SLC22A3: variants seen among roughly 807,000 people sequenced by gnomAD.
SLC22A3 encodes solute carrier family 22 member 3.
Under a neutral mutation model 59.1 loss-of-function variants are expected in SLC22A3, and 51 were observed. The observed-to-expected ratio is 0.86, with a 90% confidence interval of 0.69 to 1.09. The LOEUF (loss-of-function observed/expected upper bound fraction) is 1.09. SLC22A3 is among the 50% of genes least tolerant of loss of function. SLC22A3 has a pLI of 0.00. For missense variants in SLC22A3, 711 were observed against 726.3 expected (o/e 0.98, Z 0.24); for synonymous variants, 325 against 292.0 (o/e 1.11, Z -1.15).
chr6:160,417,372 A>G (rs575848822), intron 5 of SLC22A3, among the ~76,000 whole-genome samples: 1 of 152,332 alleles, frequency 6.6e-6, no homozygotes, highest in African/African-American at 2.4e-5. Flanking sequence ...CAGCTGCTGT[A>G]TGGGACATGG....
chr6:160,396,288 AAG>A (rs1786466950), intron 1 of SLC22A3, among the ~76,000 whole-genome samples: 1 of 152,232 alleles, frequency 6.6e-6, no homozygotes, highest in African/African-American at 2.4e-5. Context: ...TTCTTAATGT[AAG>A]ACTAATTATA....
At position 160,451,130 on chromosome 6, in the gene SLC22A3, T is replaced by C; in HGVS notation, c.*74T>C. The C allele has an allele frequency of 1.5e-6, 2 of 1,345,006 alleles. No individual in the cohort carries two copies. Among genetic ancestry groups the C allele is most frequent in the Non-Finnish European group, 2.1e-6 (2 of 954,986 alleles). The allele number at this position is 1,345,006 out of a possible 1,614,324, so 83.3% of individuals were successfully genotyped here. A position where few individuals can be genotyped will look rare whatever the true frequency, so the allele number is the denominator to read the frequency against. On this transcript the variant is annotated 3_prime_UTR_variant, in exon 11 of 11. Transcript: ENST00000275300. ...CTTGCAAAGCTGTGCCTTGCAGAGA[T>C]GCACGTGTGCATTTCAGCTACATCA...
intron 9 of SLC22A3, 76 bp downstream of exon 9, chr6:160,443,818 G>C: frequency 1.4e-6 from 1 of 704,778 alleles, no homozygotes; most frequent in Non-Finnish European, 2.3e-6. Flanking sequence ...ATAATTGTTA[G>C]GTTCAATAAT....
rs2114851998 is a variant in SLC22A3, at chr6:160,407,106, C to G, written c.599C>G (p.Ala200Gly). 6 of 1,612,046 alleles carry G rather than the reference C, an allele frequency of 3.7e-6. No individual in the cohort carries two copies. In the South Asian group the frequency reaches 5.5e-5, roughly 15 times the overall value. The change falls in exon 3 of 11, where the codon GCC (alanine) becomes GGC (glycine). Residue 200 changes from alanine to glycine, a missense_variant. By Grantham distance (60) the Ala-to-Gly change is moderately conservative. Coordinates refer to ENST00000275300, the MANE Select transcript of SLC22A3 (RefSeq NM_021977.4). Reference sequence around the variant, plus strand: ...GTTGGCGTCACTGGGGTTGTGGTGGCCTTTGCACCAAACTTCCCTGTGTTT... The same window carrying G: ...GTTGGCGTCACTGGGGTTGTGGTGGGCTTTGCACCAAACTTCCCTGTGTTT... ...LGVGVTGVVVAFAPNFPVFVI... is the reference protein window; with the variant it reads ...LGVGVTGVVVGFAPNFPVFVI...
intron 5 of SLC22A3, among the ~76,000 whole-genome samples, chr6:160,427,759 A>G (rs2114897221): frequency 6.6e-6 from 1 of 152,320 alleles, no homozygotes. Context: ...CTCTCTCTTC[A>G]AAACAACTTT....
At chr6:160,377,766 G>A (rs569048849) in intron 1 of SLC22A3, among the ~76,000 whole-genome samples, 6 of 152,316 alleles carry the variant, frequency 3.9e-5, no homozygotes, top group African/African-American at 1.4e-4. Flanking sequence ...AGTAAAAGTG[G>A]ATGCAAGACA....
intron 1 of SLC22A3, among the ~76,000 whole-genome samples, chr6:160,354,693 G>A (rs1001989395): frequency 1.3e-5 from 2 of 152,196 alleles, no homozygotes; most frequent in East Asian, 3.8e-4. Context: ...CATGCCTGTA[G>A]TCCTATCTAC....
At chr6:160,417,188 G>A (rs552677584) in intron 5 of SLC22A3, among the ~76,000 whole-genome samples, 1 of 152,322 alleles carries the variant, frequency 6.6e-6, no homozygotes, top group South Asian at 2.1e-4. Context: ...AGGAGCAGAA[G>A]TGGCAGAATA....
intron 1 of SLC22A3, among the ~76,000 whole-genome samples, chr6:160,395,872 A>G (rs1562483175): frequency 6.6e-6 from 1 of 152,230 alleles, no homozygotes; most frequent in Non-Finnish European, 1.5e-5. Context: ...TTACTTATGA[A>G]TATGTATTTA....
At chr6:160,375,575 A>T (rs1004625365) in intron 1 of SLC22A3, among the ~76,000 whole-genome samples, 1 of 152,216 alleles carries the variant, frequency 6.6e-6, no homozygotes, top group Admixed American at 6.5e-5. Context: ...GAAAGTGCTT[A>T]TGCAGAGCAA....
chr6:160,421,197 C>A (rs1787720312), intron 5 of SLC22A3, among the ~76,000 whole-genome samples: 1 of 152,232 alleles, frequency 6.6e-6, no homozygotes, highest in Admixed American at 6.5e-5. Flanking sequence ...GTACCCAGGC[C>A]ACAGACAGCA....
At chr6:160,360,390 G>A (rs1305822095) in intron 1 of SLC22A3, among the ~76,000 whole-genome samples, 1 of 152,124 alleles carries the variant, frequency 6.6e-6, no homozygotes, top group Non-Finnish European at 1.5e-5. Flanking sequence ...CCCAGGAGGT[G>A]GAGGTTGCAG....
chr6:160,398,012 G>T lies in SLC22A3; in HGVS notation c.463G>T (p.Asp155Tyr). The T allele has an allele frequency of 6.2e-7, 1 of 1,613,706 alleles. No individual in the cohort carries two copies. Among genetic ancestry groups the T allele is most frequent in the Non-Finnish European group, 8.5e-7 (1 of 1,179,732 alleles). ...TGTCTGTGTCAATGCGTGGATGCTGGACCTCACCCAAGCCATCCTGAACCT... is the reference window on the plus strand; with the variant it reads ...TGTCTGTGTCAATGCGTGGATGCTGTACCTCACCCAAGCCATCCTGAACCT... ...DLVCVNAWML[D>Y]LTQAILNLGF... Residue 155 changes from aspartate (D) to tyrosine (Y), a missense_variant, in exon 2 of 11, where the codon GAC becomes TAC. By Grantham distance (160) the Asp-to-Tyr change is radical. Transcript: ENST00000275300.
At chr6:160,446,938 C>T (rs1388721917) in intron 9 of SLC22A3, among the ~76,000 whole-genome samples, 1 of 152,170 alleles carries the variant, frequency 6.6e-6, no homozygotes, top group African/African-American at 2.4e-5. Context: ...TGTCAGTAGC[C>T]TGAAGGGCCC....
At chr6:160,387,449 G>A (rs1397480621) in intron 1 of SLC22A3, among the ~76,000 whole-genome samples, 2 of 152,140 alleles carry the variant, frequency 1.3e-5, no homozygotes, top group Non-Finnish European at 2.9e-5. Context: ...ACAGCAAGAG[G>A]GGCTCCCAAG....
rs749270219 is a variant in SLC22A3, at chr6:160,447,793, G to T, written c.1585G>T (p.Val529Leu). ...ETKGIALPET[V>L]DDVEKLGSPH... is the part of the protein sequence containing the mutation. ...CAAGGGTATTGCCTTGCCAGAGACA[G>T]TGGATGATGTAGAAAAACTTGGCAG... Residue 529 changes from valine (V) to leucine (L), a missense_variant, in exon 10 of 11, where the codon GTG (valine) becomes TTG (leucine). Physicochemically the swap from Val to Leu is conservative, Grantham distance 32 (BLOSUM62 1). Coordinates refer to ENST00000275300, the MANE Select transcript of SLC22A3 (RefSeq NM_021977.4). 6.2e-7 allele frequency: 1 copy of T among 1,614,080 alleles called. No homozygotes were observed. Among genetic ancestry groups the T allele is most frequent in the South Asian group, 1.1e-5 (1 of 91,078 alleles).
At chr6:160,356,600 A>G (rs1023073565) in intron 1 of SLC22A3, among the ~76,000 whole-genome samples, 6 of 152,202 alleles carry the variant, frequency 3.9e-5, no homozygotes, top group African/African-American at 1.4e-4. Context: ...CCCAGGGTGC[A>G]GCGCTGTCCC....
At chr6:160,385,005 GCCAGTGGGCAGCTCCCTGCCTC>G (rs1785944588) in intron 1 of SLC22A3, among the ~76,000 whole-genome samples, 1 of 152,202 alleles carries the variant, frequency 6.6e-6, no homozygotes, top group African/African-American at 2.4e-5. Context: ...TCCTCTGGCT[GCCAGTGGGCAGCTCCCTGCCTC>G]CCAGTGTTCT....
intron 1 of SLC22A3, among the ~76,000 whole-genome samples, chr6:160,360,011 A>G (rs1010281203): frequency 1.3e-5 from 2 of 152,230 alleles, no homozygotes; most frequent in Non-Finnish European, 2.9e-5. Flanking sequence ...ATACTTTTCA[A>G]ATATTTATAA....
Sources: allele counts gnomAD v4.1 joint callset (sites outside exome capture counted in the v4.1 genomes callset), GRCh38; gene constraint gnomAD v4.1.1; transcripts MANE v1.5; gene names NCBI Gene and HGNC (gene_info 2026-07-23, HGNC 2026-07-21).